DNAAF4: variants seen among roughly 807,000 people sequenced by gnomAD.
The protein encoded by DNAAF4 is dynein assembly factor 4, axonemal.
A neutral mutation model predicts 51.8 loss-of-function variants in DNAAF4; 43 were observed. The ratio of observed to expected loss-of-function variants is 0.83; its 90% CI spans 0.65 to 1.07. DNAAF4 has a LOEUF of 1.07. Ranked by LOEUF, DNAAF4 falls within the 50% of genes least tolerant of loss-of-function variation. The pLI, the probability that DNAAF4 is intolerant of heterozygous loss-of-function variation, is 0.00. For synonymous variants in DNAAF4, 194 were observed against 165.6 expected, an observed-to-expected ratio of 1.17 and a Z score of -1.32; for missense variants, 581 against 493.0, an observed-to-expected ratio of 1.18 and a Z score of -1.69.
At chr15:55,497,890 T>A (rs2058662004) in intron 2 of DNAAF4, 31 bp from the exon 3 acceptor site, 1 of 1,570,620 alleles carries the variant, frequency 6.4e-7, no homozygotes, top group Non-Finnish European at 8.6e-7. Context: ...AGAAACTAAG[T>A]TAGTTACACA....
In DNAAF4 at chr15:55,430,717, C is replaced by G. The variant is rs1172357940; in HGVS notation, c.1216G>C (p.Ala406Pro). 1 of 1,613,276 alleles carries G rather than the reference C, an allele frequency of 6.2e-7. No individual in the cohort carries two copies. The highest frequency in any genetic ancestry group is 8.5e-7 in the Non-Finnish European group (1 of 1,179,628). Residue 406 changes from alanine (A) to proline (P), a missense_variant, in exon 10 of 10, where the codon GCT (alanine) becomes CCT (proline). Coordinates refer to ENST00000321149, the MANE Select transcript of DNAAF4 (RefSeq NM_130810.4). ...TGAATTACATTCCGAATCTTCTCAG[C>G]ATCAATTTGTACAATTTTGTTGGAT... ...DPSNKIVQID[A>P]EKIRNVIQGT...
At chr15:55,454,549 T>C (rs775396515) in intron 5 of DNAAF4, among the ~76,000 whole-genome samples, 1 of 151,878 alleles carries the variant, frequency 6.6e-6, no homozygotes, top group Non-Finnish European at 1.5e-5. Context: ...AGCTAATTTT[T>C]GTATTTTTAG....
chr15:55,417,913 C>T (rs759817389), exon 8 of DNAAF4: 30 of 469,262 alleles, frequency 6.4e-5, no homozygotes, highest in Non-Finnish European at 9.1e-5. Context: ...CGGGCAGGGG[C>T]AGGGGTCACA....
chr15:55,498,466 C>T lies in DNAAF4; in HGVS notation c.-137G>A, dbSNP rs1366012047. 8.2e-6 allele frequency: 11 copies of T among 1,345,140 alleles called. No homozygotes were observed. In the East Asian group the frequency reaches 1.0e-4, roughly 12 times the overall value. 83.3% of individuals were successfully genotyped at this position (1,345,140 alleles called of 1,614,324 possible). A position where few individuals can be genotyped will look rare whatever the true frequency, so the allele number is the denominator to read the frequency against. On this transcript the variant is annotated 5_prime_UTR_variant, in exon 2 of 10. Coordinates refer to ENST00000321149, the MANE Select transcript of DNAAF4 (RefSeq NM_130810.4). ...GCCCGGCGTTCCCAGCGTGCTCCGG[C>T]GCCAGCACCTCGCGGACTCCATGCG... is the stretch of plus-strand genomic sequence containing the variant.
intron 5 of DNAAF4, among the ~76,000 whole-genome samples, chr15:55,455,861 G>A (rs1435892811): frequency 6.6e-6 from 1 of 151,926 alleles, no homozygotes; most frequent in Non-Finnish European, 1.5e-5. Flanking sequence ...CTTATTCATA[G>A]TTATTTTTTT....
At chr15:55,463,219 TTGACAAAATCCAGCATCCCTTTA>T (rs2058121068) in intron 5 of DNAAF4, among the ~76,000 whole-genome samples, 1 of 136,436 alleles carries the variant, frequency 7.3e-6, no homozygotes, top group Non-Finnish European at 1.6e-5. Context: ...CACAAAGCAT[TTGACAAAATCCAGCATCCCTTTA>T]TGACTAAAAC....
At chr15:55,476,996 C>G (rs968286558) in intron 4 of DNAAF4, among the ~76,000 whole-genome samples, 2 of 152,060 alleles carry the variant, frequency 1.3e-5, no homozygotes, top group Non-Finnish European at 2.9e-5. Flanking sequence ...CATGGTGAAA[C>G]CCCGTCTCTA....
intron 6 of DNAAF4, among the ~76,000 whole-genome samples, chr15:55,448,445 A>G (rs1249551793): frequency 3.6e-5 from 5 of 139,052 alleles, no homozygotes; most frequent in African/African-American, 1.3e-4. Context: ...GGCTACAGTG[A>G]GCCATGATTG....
chr15:55,454,567 G>T (rs1305853801), intron 5 of DNAAF4, among the ~76,000 whole-genome samples: 2 of 151,808 alleles, frequency 1.3e-5, no homozygotes, highest in Non-Finnish European at 2.9e-5. Flanking sequence ...TAGTAGAGAT[G>T]GGGTTTCACC....
In DNAAF4 at chr15:55,498,383, G is replaced by C. The variant is rs984965888; in HGVS notation, c.-54C>G. The C allele has an allele frequency of 6.3e-7, 1 of 1,575,946 alleles. No individual in the cohort carries two copies. The highest frequency in any genetic ancestry group is 2.3e-5 in the East Asian group (1 of 43,436). On this transcript the variant is annotated 5_prime_UTR_variant, in exon 2 of 10. Coordinates refer to ENST00000321149, the MANE Select transcript of DNAAF4 (RefSeq NM_130810.4). The stretch of plus-strand genomic sequence containing the variant: ...GCTGGTTGCTTCTTGCGCCTGCTTG[G>C]TTGCTAGGGAAGCTGGGGTTACCAT...
intron 6 of DNAAF4, among the ~76,000 whole-genome samples, chr15:55,446,010 AG>A (rs2057799497): frequency 7.9e-6 from 1 of 126,938 alleles, no homozygotes; most frequent in Non-Finnish European, 1.6e-5. Flanking sequence ...GGCCGGGCAG[AG>A]GCGCTCCTCA....
chr15:55,473,175 AAAAAAAAAACCT>A (rs2058279756), intron 4 of DNAAF4, among the ~76,000 whole-genome samples: 1 of 125,800 alleles, frequency 7.9e-6, no homozygotes, highest in Non-Finnish European at 1.6e-5. Context: ...CAAAACAAAC[AAAAAAAAAACCT>A]AAAAAAAAAA....
intron 4 of DNAAF4, among the ~76,000 whole-genome samples, chr15:55,488,976 C>A (rs2058531097): frequency 6.6e-6 from 1 of 151,920 alleles, no homozygotes; most frequent in African/African-American, 2.4e-5. Flanking sequence ...GTAGTCCCAC[C>A]TATTCGGGAG....
intron 5 of DNAAF4, 101 bp downstream of exon 5, chr15:55,466,829 A>C: frequency 7.0e-7 from 1 of 1,436,134 alleles, no homozygotes; most frequent in Non-Finnish European, 9.4e-7. Context: ...AATGTGCCAA[A>C]ACAGTAACCT....
At chr15:55,432,463 C>T in intron 9 of DNAAF4, 34 bp downstream of exon 9, 1 of 1,548,124 alleles carries the variant, frequency 6.5e-7, no homozygotes, top group Non-Finnish European at 8.9e-7. Context: ...CAGAGTATAA[C>T]TTGGGACTTA....
At chr15:55,468,908 A>C (rs2058208142) in intron 4 of DNAAF4, among the ~76,000 whole-genome samples, 1 of 152,230 alleles carries the variant, frequency 6.6e-6, no homozygotes, top group Non-Finnish European at 1.5e-5. Flanking sequence ...AGTGATGAAG[A>C]GGAGAAACCA....
At chr15:55,460,154 A>AATTT (rs201602662) in intron 5 of DNAAF4, among the ~76,000 whole-genome samples, 3,360 of 151,242 alleles carry the variant, frequency 0.022, 130 homozygotes, top group African/African-American at 0.074. Context: ...AGAACTCTCA[A>AATTT]ATTTATTTAT....
intron 4 of DNAAF4, among the ~76,000 whole-genome samples, chr15:55,482,803 T>C (rs1021652793): frequency 6.6e-6 from 1 of 152,168 alleles, no homozygotes; most frequent in African/African-American, 2.4e-5. Context: ...AACTGATGAA[T>C]GGATAAACAA....
intron 4 of DNAAF4, among the ~76,000 whole-genome samples, chr15:55,478,335 C>T (rs956922680): frequency 6.6e-6 from 1 of 152,122 alleles, no homozygotes; most frequent in Non-Finnish European, 1.5e-5. Context: ...ACCAAGCTGC[C>T]CAGTCCCCTT....
Sources: gnomAD v4.1 joint callset for allele counts (sites outside exome capture counted in the v4.1 genomes callset) on GRCh38, gnomAD v4.1.1 for gene constraint, MANE v1.5 for transcripts, NCBI Gene and HGNC (gene_info 2026-07-23, HGNC 2026-07-21) for gene names.